Variants in ADAM19 observed in about 807,000 individuals in gnomAD.
ADAM19 encodes the protein disintegrin and metalloproteinase domain-containing protein 19.
ADAM19 carries 65 observed loss-of-function variants against 114.7 expected under a neutral mutation model. That is an observed-to-expected ratio of 0.57 (90% CI 0.46 to 0.70). The LOEUF is 0.70. Among genes scored for constraint, ADAM19 ranks in the 30% least tolerant of loss-of-function variants. The pLI, the probability that ADAM19 is intolerant of heterozygous loss-of-function variation, is 0.00. For synonymous variants in ADAM19, 466 were observed against 460.5 expected, an observed-to-expected ratio of 1.01 and a Z score of -0.15; for missense variants, 1,063 against 1,204.7, an observed-to-expected ratio of 0.88 and a Z score of 1.74.
chr5:157,513,676 G>A (rs1379215724), intron 7 of ADAM19, among the ~76,000 whole-genome samples, 171 bp from the exon 8 acceptor site: 4 of 152,196 alleles, frequency 2.6e-5, no homozygotes, highest in Non-Finnish European at 5.9e-5. Context: ...GGTAGGACCT[G>A]TCAACATCCA....
At chr5:157,488,208 T>C (rs1280089148) in intron 21 of ADAM19, 57 bp downstream of exon 21, 5 of 1,544,140 alleles carry the variant, frequency 3.2e-6, no homozygotes, top group Admixed American at 3.5e-5. Flanking sequence ...CCATTACCCA[T>C]TGAAAGTGGC....
chr5:157,519,230 A>G (rs1756199088), intron 6 of ADAM19, among the ~76,000 whole-genome samples: 3 of 152,220 alleles, frequency 2.0e-5, no homozygotes, highest in Admixed American at 2.0e-4. Flanking sequence ...TCGAAACACC[A>G]TGCCATTTTC....
intron 5 of ADAM19, among the ~76,000 whole-genome samples, chr5:157,530,084 A>G (rs570737632): frequency 6.6e-6 from 1 of 152,292 alleles, no homozygotes; most frequent in Non-Finnish European, 1.5e-5. Context: ...TGTTTCTTTG[A>G]CATCTGGGTC....
At chr5:157,505,458 C>A (rs1755713789) in intron 11 of ADAM19, among the ~76,000 whole-genome samples, 1 of 152,230 alleles carries the variant, frequency 6.6e-6, no homozygotes, top group Non-Finnish European at 1.5e-5. Context: ...TCTAGGGTTA[C>A]ACCAGCACCA....
At chr5:157,501,725 T>C (rs1159177137) in intron 12 of ADAM19, among the ~76,000 whole-genome samples, 4 of 152,022 alleles carry the variant, frequency 2.6e-5, no homozygotes, top group Non-Finnish European at 5.9e-5. Flanking sequence ...GAAAGTGACA[T>C]ACTGGCATTA....
chr5:157,543,500 A>G (rs1294829890), intron 3 of ADAM19, among the ~76,000 whole-genome samples: 2 of 152,256 alleles, frequency 1.3e-5, no homozygotes, highest in African/African-American at 4.8e-5. Context: ...GTAAGATGTT[A>G]GAATAGTGCC....
At chr5:157,559,568 T>C (rs11749951) in intron 3 of ADAM19, among the ~76,000 whole-genome samples, 54,255 of 152,116 alleles carry the variant, frequency 0.36, 11,647 homozygotes, top group African/African-American at 0.59. Flanking sequence ...GGGGCTCACA[T>C]AACCCTGTTC....
rs777681542 is a variant in ADAM19 at position 157,491,609 on chromosome 5, A to T, written c.2095+6T>A. On this transcript the variant is annotated splice_donor_region_variant and intron_variant, in intron 18 of 22. Transcript: ENST00000257527. ...CGGGCAGTGGCCCCAGCAGGCTGGC[A>T]CTCACTCTCAGGGGGCATAGGCCCA... The T allele has an allele frequency of 6.7e-7, 1 of 1,488,090 alleles. No individual in the cohort carries two copies. The highest frequency in any genetic ancestry group is 2.3e-5 in the East Asian group (1 of 42,612). The allele number at this position is 1,488,090 out of a possible 1,614,324, so 92.2% of individuals were successfully genotyped here. A position where few individuals can be genotyped will look rare whatever the true frequency, so the allele number is the denominator to read the frequency against.
At chr5:157,527,744 A>G (rs1470615101) in intron 5 of ADAM19, among the ~76,000 whole-genome samples, 1 of 152,226 alleles carries the variant, frequency 6.6e-6, no homozygotes, top group Non-Finnish European at 1.5e-5. Context: ...ACAAGAAACT[A>G]GTAACAACGG....
chr5:157,532,276 G>A (rs776698531), intron 4 of ADAM19, among the ~76,000 whole-genome samples: 100 of 152,294 alleles, frequency 6.6e-4, no homozygotes, highest in African/African-American at 1.1e-3. Flanking sequence ...TTCAGCCTTC[G>A]TGGGGCTTAT....
rs186965464 is a variant in ADAM19 at position 157,494,666 on chromosome 5, G to A, written c.1703+21C>T. ...CTGCTTGTTCATCCTCATTTCATGA[G>A]GCCTGCCCTTTGGTCATCACCTCAT... On this transcript the variant is annotated intron_variant, in intron 15 of 22. Coordinates refer to ENST00000257527, the MANE Select transcript of ADAM19 (RefSeq NM_033274.5). 3.1e-5 allele frequency: 49 copies of A among 1,603,046 alleles called. No homozygotes were observed. The African/African-American group carries it at 5.7e-4, about 19-fold the overall frequency.
At position 157,520,429 on chromosome 5, in the gene ADAM19, C is replaced by T. The variant is rs112457557; in HGVS notation, c.408-398G>A. 4.4e-3 allele frequency among the ~76,000 whole-genome samples: 672 copies of T among 152,226 alleles called. 7 individuals are homozygous for T. Among genetic ancestry groups the T allele is most frequent in the African/African-American group, 0.015 (632 of 41,514 alleles). ...GTAGGTCCAGGATTCCAAAAAGCCT[C>T]CCAAACCAAAACATGGCATATGACA... On this transcript the variant is annotated intron_variant, in intron 5 of 22. Coordinates refer to ENST00000257527, the MANE Select transcript of ADAM19 (RefSeq NM_033274.5).
rs1269958670 is a variant in ADAM19, at chr5:157,480,151, G to A, written c.*798C>T. On this transcript the variant is annotated 3_prime_UTR_variant, in exon 23 of 23. Transcript: ENST00000257527. ...AGGGAGAATGAGAGGGGAAGGAAGA[G>A]AGAAAAGCGTGGGGCACCAGGAAAG... 1 of 985,990 alleles carries A rather than the reference G, an allele frequency of 1.0e-6. No homozygotes were observed. The highest frequency in any genetic ancestry group is 1.2e-6 in the Non-Finnish European group (1 of 830,078). 61.1% of individuals were successfully genotyped at this position (985,990 alleles called of 1,614,324 possible).
At position 157,493,042 on chromosome 5, in the gene ADAM19, A is replaced by G; in HGVS notation, c.1839T>C (p.Gly613=). 6.2e-7 allele frequency: 1 copy of G among 1,614,140 alleles called. No homozygotes were observed. The highest frequency in any genetic ancestry group is 8.5e-7 in the Non-Finnish European group (1 of 1,180,028). The part of the protein sequence containing the change: ...IQCRGTHVYR[G]PEEEGDMLDP... ...CCAGCATGTCACCCTCCTCCTCAGG[A>G]CCTCGGTAGACGTGGGTGCCCCGGC... is the stretch of plus-strand genomic sequence containing the variant. The change falls in exon 16 of 23, where the codon GGT becomes GGC. Residue 613 remains glycine, a synonymous_variant. Coordinates refer to ENST00000257527, the MANE Select transcript of ADAM19 (RefSeq NM_033274.5).
chr5:157,553,079 A>G (rs1445321314), intron 3 of ADAM19, among the ~76,000 whole-genome samples: 1 of 152,244 alleles, frequency 6.6e-6, no homozygotes, highest in Non-Finnish European at 1.5e-5. Context: ...GTTAATGGGT[A>G]CAAAAAAGAA....
intron 5 of ADAM19, 65 bp downstream of exon 5, chr5:157,530,742 C>T: frequency 1.4e-6 from 2 of 1,420,588 alleles, no homozygotes; most frequent in Non-Finnish European, 2.0e-6. Flanking sequence ...TCAGCCTTGT[C>T]TATCTTGAAA....
intron 3 of ADAM19, among the ~76,000 whole-genome samples, chr5:157,544,261 C>T (rs977199372): frequency 3.3e-5 from 5 of 152,222 alleles, no homozygotes; most frequent in African/African-American, 1.2e-4. Context: ...GCAAAAATGG[C>T]GCCATCCAGA....
At chr5:157,502,134 C>T (rs1561532458) in intron 12 of ADAM19, among the ~76,000 whole-genome samples, 1 of 152,086 alleles carries the variant, frequency 6.6e-6, no homozygotes, top group African/African-American at 2.4e-5. Context: ...TTGTTATCTA[C>T]CCCAAATTGT....
intron 3 of ADAM19, among the ~76,000 whole-genome samples, chr5:157,561,026 C>T (rs1757494750): frequency 6.6e-6 from 1 of 152,148 alleles, no homozygotes; most frequent in South Asian, 2.1e-4. Flanking sequence ...AAAGAGGCTA[C>T]AAGGTAGTAA....
Sources: allele counts gnomAD v4.1 joint callset (sites outside exome capture counted in the v4.1 genomes callset), GRCh38; gene constraint gnomAD v4.1.1; transcripts MANE v1.5; gene names NCBI Gene and HGNC (gene_info 2026-07-23, HGNC 2026-07-21).